The following MGAT4C variants were observed in gnomAD, a reference collection of about 807,000 sequenced individuals.
MGAT4C encodes the protein alpha-1,3-mannosyl-glycoprotein 4-beta-N-acetylglucosaminyltransferase C.
In MGAT4C, 19 loss-of-function variants were observed where a neutral mutation model predicts 40.1. The observed-to-expected ratio is 0.47, with a 90% confidence interval of 0.33 to 0.70. The LOEUF (loss-of-function observed/expected upper bound fraction) is 0.70. MGAT4C is among the 30% of genes least tolerant of loss of function. The pLI, the probability that MGAT4C is intolerant of heterozygous loss-of-function variation, is 0.02. For synonymous variants in MGAT4C, 181 were observed against 187.1 expected, an observed-to-expected ratio of 0.97 and a Z score of 0.27; for missense variants, 491 against 563.2, an observed-to-expected ratio of 0.87 and a Z score of 1.30.
chr12:85,988,228 A>G (rs1885469345), intron 3 of MGAT4C, among the ~76,000 whole-genome samples: 1 of 152,148 alleles, frequency 6.6e-6, no homozygotes, highest in East Asian at 1.9e-4. Context: ...GAAGACAAAA[A>G]GCCTAGGCAG....
chr12:86,499,766 A>C (rs1039972618), intron 2 of MGAT4C, among the ~76,000 whole-genome samples: 2 of 152,016 alleles, frequency 1.3e-5, no homozygotes, highest in African/African-American at 4.8e-5. Context: ...TGACTGTGAC[A>C]CAGTAGTTTA....
In MGAT4C at chr12:86,014,323, C is replaced by T. The variant is rs549488714; in HGVS notation, c.-6-24771G>A. On this transcript the variant is annotated intron_variant, in intron 2 of 4. Coordinates refer to ENST00000611864, the MANE Select transcript of MGAT4C (RefSeq NM_001351288.2). ...CCGGAACTGGGAAACTAGTTTTGGA[C>T]GTTCCATCCCTAAACCAGAAGTGGG... 2.6e-5 allele frequency among the ~76,000 whole-genome samples: 4 copies of T among 152,236 alleles called. No homozygotes were observed. The South Asian group carries it at 8.3e-4, about 32-fold the overall frequency.
At position 86,280,694 on chromosome 12, in the gene MGAT4C, T is replaced by C. The variant is rs571322388; in HGVS notation, c.-57+53371A>G. On this transcript the variant is annotated intron_variant, in intron 4 of 7. Coordinates refer to the MGAT4C transcript ENST00000548651. The stretch of plus-strand genomic sequence containing the variant: ...TACTAGTTTACACATTTTGAATTTC[T>C]ATCCTTTTTTTTTTTAAATGAAATA... Among the ~76,000 whole-genome samples, 9 of 139,384 alleles carry C rather than the reference T, an allele frequency of 6.5e-5. No homozygotes were observed. The East Asian group carries it at 2.0e-3, about 31-fold the overall frequency. 91.4% of individuals were successfully genotyped at this position (139,384 alleles called of 152,430 possible).
intron 1 of MGAT4C, among the ~76,000 whole-genome samples, chr12:86,737,365 T>C (rs2136126286): frequency 1.5e-5 from 2 of 134,918 alleles, no homozygotes; most frequent in South Asian, 4.9e-4. Context: ...TTTTTTTAAC[T>C]TGGCCTCTTT....
chr12:86,800,633 G>A (rs571682078), intron 1 of MGAT4C, among the ~76,000 whole-genome samples: 2 of 151,912 alleles, frequency 1.3e-5, no homozygotes, highest in Non-Finnish European at 2.9e-5. Flanking sequence ...TATTTGAAAT[G>A]GATATTGCAT....
At chr12:86,429,363 T>G (rs905567180) in intron 3 of MGAT4C, among the ~76,000 whole-genome samples, 4 of 152,210 alleles carry the variant, frequency 2.6e-5, no homozygotes, top group Non-Finnish European at 5.9e-5. Context: ...TGCTGAGACT[T>G]GCTTTGTACC....
At chr12:86,167,865 T>C (rs1221251389) in intron 1 of MGAT4C, among the ~76,000 whole-genome samples, 1 of 152,180 alleles carries the variant, frequency 6.6e-6, no homozygotes, top group Non-Finnish European at 1.5e-5. Flanking sequence ...ACTATCTTCT[T>C]AAAAGCGTAA....
At chr12:86,189,490 G>A (rs575777262) in intron 1 of MGAT4C, among the ~76,000 whole-genome samples, 1 of 151,942 alleles carries the variant, frequency 6.6e-6, no homozygotes, top group South Asian at 2.1e-4. Flanking sequence ...GGAAAATCAG[G>A]AAATTGAATG....
intron 3 of MGAT4C, among the ~76,000 whole-genome samples, chr12:86,343,802 C>G (rs756302925): frequency 3.9e-5 from 6 of 152,098 alleles, no homozygotes; most frequent in Non-Finnish European, 7.4e-5. Context: ...TCAGTTAATT[C>G]TTTATGTAAA....
intron 2 of MGAT4C, among the ~76,000 whole-genome samples, chr12:86,718,653 G>A (rs1950688836): frequency 6.6e-6 from 1 of 152,156 alleles, no homozygotes; most frequent in Admixed American, 6.5e-5. Flanking sequence ...ACAGCAGGAG[G>A]TGAACAGCAG....
intron 1 of MGAT4C, among the ~76,000 whole-genome samples, chr12:86,733,436 CA>C: frequency 6.6e-6 from 1 of 151,930 alleles, no homozygotes. Context: ...AACAAACAAA[CA>C]AACAAACAAA....
At chr12:86,282,734 AGTCCT>A (rs1209870321) in intron 4 of MGAT4C, among the ~76,000 whole-genome samples, 1 of 152,016 alleles carries the variant, frequency 6.6e-6, no homozygotes, top group African/African-American at 2.4e-5. Context: ...GATTATTTCC[AGTCCT>A]GTTTTTCAGC....
intron 2 of MGAT4C, among the ~76,000 whole-genome samples, chr12:86,448,596 T>C (rs757351971): frequency 5.3e-5 from 8 of 152,182 alleles, no homozygotes; most frequent in African/African-American, 7.2e-5. Flanking sequence ...CTAGTACCTA[T>C]AATTAAACCT....
At chr12:86,181,691 A>G (rs931644517) in intron 1 of MGAT4C, among the ~76,000 whole-genome samples, 18 of 152,154 alleles carry the variant, frequency 1.2e-4, no homozygotes, top group Admixed American at 7.2e-4. Context: ...TAAATTTTAC[A>G]GACAAAGAAA....
At chr12:86,830,558 T>C (rs753322288) in intron 1 of MGAT4C, among the ~76,000 whole-genome samples, 1 of 151,842 alleles carries the variant, frequency 6.6e-6, no homozygotes, top group Non-Finnish European at 1.5e-5. Context: ...TGTTTGTGTG[T>C]GTATCTATCT....
At chr12:86,530,129 T>C (rs975229308) in intron 2 of MGAT4C, among the ~76,000 whole-genome samples, 2 of 152,036 alleles carry the variant, frequency 1.3e-5, no homozygotes, top group African/African-American at 4.8e-5. Context: ...TTAACTTATA[T>C]AGCTGTCTAT....
intron 1 of MGAT4C, among the ~76,000 whole-genome samples, chr12:86,754,063 T>C (rs1951264072): frequency 6.6e-6 from 1 of 152,218 alleles, no homozygotes; most frequent in Non-Finnish European, 1.5e-5. Context: ...GCTCTACTTA[T>C]AATAGCCCTG....
chr12:86,321,657 A>T (rs1465368780), intron 4 of MGAT4C, among the ~76,000 whole-genome samples: 1 of 152,162 alleles, frequency 6.6e-6, no homozygotes, highest in Non-Finnish European at 1.5e-5. Context: ...TTTTTTAAAA[A>T]TCAGAGACCT....
chr12:85,988,296 C>A (rs1885474681), intron 3 of MGAT4C, among the ~76,000 whole-genome samples: 1 of 152,052 alleles, frequency 6.6e-6, no homozygotes, highest in South Asian at 2.1e-4. Context: ...ATAAAGGATG[C>A]AAGATGTTTT....
Sources: allele counts gnomAD v4.1 joint callset (sites outside exome capture counted in the v4.1 genomes callset), GRCh38; gene constraint gnomAD v4.1.1; transcripts MANE v1.5; gene names NCBI Gene and HGNC (gene_info 2026-07-23, HGNC 2026-07-21).